HLCS: variants seen among roughly 807,000 people sequenced by gnomAD.
HLCS encodes the protein holocarboxylase synthetase, also known as biotin--protein ligase.
Under a neutral mutation model 75.0 loss-of-function variants are expected in HLCS, and 53 were observed. That is an observed-to-expected ratio of 0.71 (90% CI 0.57 to 0.89). The LOEUF (loss-of-function observed/expected upper bound fraction) is 0.89. Among genes scored for constraint, HLCS ranks in the 40% least tolerant of loss-of-function variants. HLCS has a pLI of 0.00. For missense variants in HLCS, 966 were observed against 1,074.0 expected, an observed-to-expected ratio of 0.90 and a Z score of 1.41; for synonymous variants, 431 against 428.6, an observed-to-expected ratio of 1.01 and a Z score of -0.07.
At chr21:36,848,440 T>G (rs1449691191) in intron 6 of HLCS, among the ~76,000 whole-genome samples, 1 of 152,012 alleles carries the variant, frequency 6.6e-6, no homozygotes, top group African/African-American at 2.4e-5. Flanking sequence ...CAGCTAATTT[T>G]TGTATTTTAG....
At chr21:36,858,029 C>A (rs1355134885) in intron 6 of HLCS, among the ~76,000 whole-genome samples, 6 of 152,058 alleles carry the variant, frequency 3.9e-5, no homozygotes, top group Non-Finnish European at 8.8e-5. Context: ...ACCTAATGAT[C>A]CACCCGCCTC....
In HLCS at chr21:36,748,939, T is replaced by C. The variant is rs1424593908; in HGVS notation, c.*5307A>G. Reference sequence around the variant, plus strand: ...TGGCCCACACAGATCTGTAATTCACTAGGCTCGTGTTTGCTACAAATAGTG... The same window carrying C: ...TGGCCCACACAGATCTGTAATTCACCAGGCTCGTGTTTGCTACAAATAGTG... On this transcript the variant is annotated 3_prime_UTR_variant, in exon 11 of 11. Transcript: ENST00000674895. 1 of 152,648 alleles carries C rather than the reference T, an allele frequency of 6.6e-6. No individual in the cohort carries two copies. Among genetic ancestry groups the C allele is most frequent in the African/African-American group, 2.4e-5 (1 of 41,466 alleles). 9.5% of individuals were successfully genotyped at this position (152,648 alleles called of 1,614,324 possible). A position where few individuals can be genotyped will look rare whatever the true frequency, so the allele number is the denominator to read the frequency against.
intron 6 of HLCS, among the ~76,000 whole-genome samples, chr21:36,790,142 A>G (rs1402719120): frequency 7.2e-5 from 11 of 152,222 alleles, no homozygotes; most frequent in Admixed American, 1.3e-4. Context: ...GCAGTGGCTC[A>G]TGCCTATAAT....
chr21:36,976,577 G>T (rs1174324456), intron 1 of HLCS, among the ~76,000 whole-genome samples: 1 of 152,062 alleles, frequency 6.6e-6, no homozygotes, highest in East Asian at 1.9e-4. Flanking sequence ...GAGCCAGACT[G>T]TCTCAAAAAA....
Position 36,959,112 on chromosome 21 carries a change from G to A in HLCS, c.330+2924C>T, listed in dbSNP as rs560479123. On this transcript the variant is annotated intron_variant, in intron 2 of 10. Transcript: ENST00000674895. Reference sequence around the variant, plus strand: ...GCCTCCCAGCCACAGCTGCGGACCTGGGCATCCCTGCACTCTCAGGGGTCC... The same window carrying A: ...GCCTCCCAGCCACAGCTGCGGACCTAGGCATCCCTGCACTCTCAGGGGTCC... Among the ~76,000 whole-genome samples the A allele has an allele frequency of 2.6e-5, 4 of 152,312 alleles. No homozygotes were observed. In the South Asian group the frequency reaches 8.3e-4, roughly 32 times the overall value.
At chr21:36,896,820 A>C (rs2065029036) in intron 6 of HLCS, 40 bp downstream of exon 6, 1 of 1,608,556 alleles carries the variant, frequency 6.2e-7, no homozygotes. Flanking sequence ...TCAATGGAAC[A>C]GGACTCCTCT....
rs116311785 is a variant in HLCS at position 36,922,809 on chromosome 21, C to T, written c.1620+7442G>A. ...AACTGCCTGTCAGTTTTGAAACCCC[C>T]GAAACACTATAAACATTTTTCCAAG... On this transcript the variant is annotated intron_variant, in intron 5 of 10. Transcript: ENST00000674895. Among the ~76,000 whole-genome samples, 491 of 152,286 alleles carry T rather than the reference C, an allele frequency of 3.2e-3. 4 individuals are homozygous for T. Among genetic ancestry groups the T allele is most frequent in the African/African-American group, 0.011 (446 of 41,564 alleles).
intron 6 of HLCS, among the ~76,000 whole-genome samples, chr21:36,835,856 T>C (rs986238571): frequency 2.0e-5 from 3 of 152,126 alleles, no homozygotes; most frequent in Admixed American, 6.5e-5. Context: ...TCAGAGGTGA[T>C]GCTCTTTCCA....
rs1165518421 is a variant in HLCS, at chr21:36,916,610, G to A, written c.1620+13641C>T. 4.1e-5 allele frequency among the ~76,000 whole-genome samples: 6 copies of A among 147,248 alleles called. No individual in the cohort carries two copies. The East Asian group carries it at 1.2e-3, about 30-fold the overall frequency. Reference sequence around the variant, plus strand: ...TGGTCTTCAACACCTGGACTCAAGCGATCCTCCCACCTCAGCCTCCCGAAG... The same window carrying A: ...TGGTCTTCAACACCTGGACTCAAGCAATCCTCCCACCTCAGCCTCCCGAAG... On this transcript the variant is annotated intron_variant, in intron 5 of 10. Coordinates refer to ENST00000674895, the MANE Select transcript of HLCS (RefSeq NM_001352514.2).
At chr21:36,798,294 G>A (rs1462548036) in intron 6 of HLCS, among the ~76,000 whole-genome samples, 1 of 152,086 alleles carries the variant, frequency 6.6e-6, no homozygotes, top group Non-Finnish European at 1.5e-5. Flanking sequence ...TTTTCACTTA[G>A]CATAATATTT....
intron 6 of HLCS, among the ~76,000 whole-genome samples, chr21:36,792,713 A>C (rs975560599): frequency 6.6e-6 from 1 of 152,120 alleles, no homozygotes; most frequent in Non-Finnish European, 1.5e-5. Context: ...TATGACAAAC[A>C]TTCATCCCCA....
intron 6 of HLCS, among the ~76,000 whole-genome samples, chr21:36,809,559 C>T (rs1487923734): frequency 1.3e-5 from 2 of 152,020 alleles, no homozygotes; most frequent in East Asian, 1.9e-4. Flanking sequence ...TTTCCTCTGT[C>T]ATTTTCCCCC....
intron 6 of HLCS, among the ~76,000 whole-genome samples, chr21:36,795,245 C>T (rs569966772): frequency 6.6e-6 from 1 of 151,972 alleles, no homozygotes; most frequent in Non-Finnish European, 1.5e-5. Flanking sequence ...ACACTGGAAC[C>T]GCAAAAAAGA....
chr21:36,852,776 T>C (rs2063057199), intron 6 of HLCS, among the ~76,000 whole-genome samples: 1 of 152,100 alleles, frequency 6.6e-6, no homozygotes, highest in Non-Finnish European at 1.5e-5. Context: ...AGGTACCTCC[T>C]GCAAAGATGC....
At chr21:36,778,291 A>T (rs1421171536) in intron 6 of HLCS, among the ~76,000 whole-genome samples, 1 of 143,442 alleles carries the variant, frequency 7.0e-6, no homozygotes, top group African/African-American at 2.6e-5. Context: ...TATTATTATT[A>T]TTTTTTGAGA....
intron 6 of HLCS, among the ~76,000 whole-genome samples, chr21:36,863,478 GGT>G (rs1288774736): frequency 1.3e-5 from 2 of 152,134 alleles, no homozygotes; most frequent in African/African-American, 4.8e-5. Flanking sequence ...TCACAGGCGG[GGT>G]CACAGAAAGG....
chr21:36,855,423 A>G (rs2063154546), intron 6 of HLCS, among the ~76,000 whole-genome samples: 1 of 151,654 alleles, frequency 6.6e-6, no homozygotes, highest in South Asian at 2.1e-4. Flanking sequence ...CTGTAATCCC[A>G]GCTACTCGGG....
At chr21:36,947,296 G>T (rs531767922) in intron 2 of HLCS, 2 of 951,804 alleles carry the variant, frequency 2.1e-6, no homozygotes, top group Middle Eastern at 1.1e-3. Context: ...CACACATCCC[G>T]GATCAAGTTT....
Position 36,791,319 on chromosome 21 carries a change from C to T in HLCS, c.1893-24034G>A, listed in dbSNP as rs184950505. On this transcript the variant is annotated intron_variant, in intron 6 of 10. Transcript: ENST00000674895. ...CCCACACATCCAGGGCTCTGGGCAG[C>T]GGTGACTGTTCAGTGAGACCGCTTT... Among the ~76,000 whole-genome samples the T allele has an allele frequency of 7.2e-5, 11 of 152,316 alleles. No homozygotes were observed. In the South Asian group the frequency reaches 1.5e-3, roughly 20 times the overall value.
Sources: gnomAD v4.1 joint callset for allele counts (sites outside exome capture counted in the v4.1 genomes callset) on GRCh38, gnomAD v4.1.1 for gene constraint, MANE v1.5 for transcripts, NCBI Gene and HGNC (gene_info 2026-07-23, HGNC 2026-07-21) for gene names.